DYNC1I1: variants seen among roughly 807,000 people sequenced by gnomAD.
The protein encoded by DYNC1I1 is cytoplasmic dynein 1 intermediate chain 1.
DYNC1I1 carries 43 observed loss-of-function variants against 86.6 expected under a neutral mutation model. The observed-to-expected ratio is 0.50, with a 90% confidence interval of 0.39 to 0.64. The LOEUF is 0.64. DYNC1I1 is among the 30% of genes least tolerant of loss of function. The pLI is 0.00. For missense variants in DYNC1I1, 604 were observed against 788.8 expected, an observed-to-expected ratio of 0.77 and a Z score of 2.81; for synonymous variants, 262 against 283.7, an observed-to-expected ratio of 0.92 and a Z score of 0.77.
At chr7:96,017,400 A>T (rs151001412) in intron 10 of DYNC1I1, among the ~76,000 whole-genome samples, 4 of 152,322 alleles carry the variant, frequency 2.6e-5, no homozygotes, top group African/African-American at 7.2e-5. Context: ...ATTTTCTAAA[A>T]AAGAGACAAG....
At chr7:95,895,841 G>A (rs1241488544) in intron 6 of DYNC1I1, among the ~76,000 whole-genome samples, 1 of 152,158 alleles carries the variant, frequency 6.6e-6, no homozygotes, top group Non-Finnish European at 1.5e-5. Context: ...AATTATGTTT[G>A]CACCAAGCTA....
chr7:96,021,137 C>A (rs1794538646), intron 10 of DYNC1I1, among the ~76,000 whole-genome samples: 1 of 152,050 alleles, frequency 6.6e-6, no homozygotes, highest in Non-Finnish European at 1.5e-5. Context: ...TGTCACTGAA[C>A]CGTACACTTG....
At chr7:95,888,635 CAA>C (rs1433208113) in intron 6 of DYNC1I1, among the ~76,000 whole-genome samples, 1 of 151,874 alleles carries the variant, frequency 6.6e-6, no homozygotes, top group East Asian at 1.9e-4. Flanking sequence ...TTTTCTTAGA[CAA>C]AAAAATTGCC....
chr7:96,032,521 T>C (rs2115993615), intron 11 of DYNC1I1, 146 bp from the exon 12 acceptor site: 1 of 611,360 alleles, frequency 1.6e-6, no homozygotes. Flanking sequence ...CAGGTTCAAA[T>C]CAAAAGCGGC....
At chr7:96,081,350 C>T (rs12672406) in intron 16 of DYNC1I1, among the ~76,000 whole-genome samples, 61,480 of 151,130 alleles carry the variant, frequency 0.41, 13,439 homozygotes, top group African/African-American at 0.57. Context: ...AACAACTACA[C>T]CTTTTATTTC....
chr7:96,031,205 G>A (rs1291699591), intron 11 of DYNC1I1, among the ~76,000 whole-genome samples: 1 of 152,044 alleles, frequency 6.6e-6, no homozygotes, highest in African/African-American at 2.4e-5. Context: ...TTTATTCTCA[G>A]AACCTCACTG....
intron 9 of DYNC1I1, among the ~76,000 whole-genome samples, chr7:95,990,065 T>C (rs2299269): frequency 0.14 from 21,274 of 152,114 alleles, 2,363 homozygotes; most frequent in East Asian, 0.6. Context: ...ATTATAAGGT[T>C]TCAGCATAGC....
intron 2 of DYNC1I1, among the ~76,000 whole-genome samples, chr7:95,806,891 C>T (rs1794713645): frequency 6.6e-6 from 1 of 152,174 alleles, no homozygotes; most frequent in Non-Finnish European, 1.5e-5. Context: ...GACATAAACA[C>T]AGTGATTATG....
chr7:95,983,599 TAC>T (rs1479365646), intron 7 of DYNC1I1, among the ~76,000 whole-genome samples: 1 of 152,174 alleles, frequency 6.6e-6, no homozygotes, highest in Non-Finnish European at 1.5e-5. Context: ...TTCTTGACAC[TAC>T]AGATTTCTTA....
At chr7:96,020,033 T>TA (rs1254638344) in intron 10 of DYNC1I1, among the ~76,000 whole-genome samples, 1,538 of 100,390 alleles carry the variant, frequency 0.015, 26 homozygotes, top group African/African-American at 0.051. Flanking sequence ...GCTCCTATTA[T>TA]AAAAAAAAAA....
At chr7:96,040,735 T>G (rs1341643337) in intron 14 of DYNC1I1, among the ~76,000 whole-genome samples, 1 of 151,908 alleles carries the variant, frequency 6.6e-6, no homozygotes, top group African/African-American at 2.4e-5. Flanking sequence ...TTTTTTCTTT[T>G]TTTTGAAACA....
chr7:95,798,025 TTAAA>T (rs550844396), intron 1 of DYNC1I1, among the ~76,000 whole-genome samples: 1 of 152,152 alleles, frequency 6.6e-6, no homozygotes, highest in African/African-American at 2.4e-5. Context: ...TTTAAAATAA[TTAAA>T]TACTTAAAGT....
chr7:95,886,190 C>T (rs971951351), intron 6 of DYNC1I1, among the ~76,000 whole-genome samples: 1 of 152,270 alleles, frequency 6.6e-6, no homozygotes, highest in South Asian at 2.1e-4. Flanking sequence ...GATCCCAACA[C>T]TTTGGGAGGC....
intron 9 of DYNC1I1, among the ~76,000 whole-genome samples, chr7:95,993,063 C>G (rs973141271): frequency 6.6e-6 from 1 of 152,098 alleles, no homozygotes; most frequent in Admixed American, 6.6e-5. Flanking sequence ...TCTTTATATT[C>G]TCTTTAAAAA....
intron 6 of DYNC1I1, among the ~76,000 whole-genome samples, chr7:95,944,509 C>A (rs905317004): frequency 7.0e-4 from 106 of 152,152 alleles, no homozygotes; most frequent in Non-Finnish European, 1.4e-3. Context: ...TCTGACCCAG[C>A]CATCCCATTA....
intron 10 of DYNC1I1, among the ~76,000 whole-genome samples, chr7:96,014,032 A>G (rs1794343452): frequency 6.6e-6 from 1 of 152,160 alleles, no homozygotes; most frequent in Non-Finnish European, 1.5e-5. Flanking sequence ...CCTTCCCCAC[A>G]ACCTTTGTGT....
At chr7:95,912,173 A>G in intron 6 of DYNC1I1, among the ~76,000 whole-genome samples, 1 of 152,088 alleles carries the variant, frequency 6.6e-6, no homozygotes. Context: ...AGTAGCTGGG[A>G]CTACAGGCAT....
At chr7:95,782,012 G>C (rs144451682) in intron 1 of DYNC1I1, among the ~76,000 whole-genome samples, 1 of 152,276 alleles carries the variant, frequency 6.6e-6, no homozygotes, top group Non-Finnish European at 1.5e-5. Context: ...TCTTGGCCAC[G>C]TTACATGTCC....
At chr7:95,838,251 T>C (rs1789173385) in intron 5 of DYNC1I1, among the ~76,000 whole-genome samples, 1 of 152,246 alleles carries the variant, frequency 6.6e-6, no homozygotes, top group Admixed American at 6.5e-5. Flanking sequence ...TTTCATTCTT[T>C]CAAATATGGA....
Sources: allele counts gnomAD v4.1 joint callset (sites outside exome capture counted in the v4.1 genomes callset), GRCh38; gene constraint gnomAD v4.1.1; transcripts MANE v1.5; gene names NCBI Gene and HGNC (gene_info 2026-07-23, HGNC 2026-07-21).